Variants in PPP3CA observed in about 807,000 individuals in gnomAD.
The protein encoded by PPP3CA is protein phosphatase 3 catalytic subunit alpha, also known as CAM-PRP catalytic subunit.
Under a neutral mutation model 66.5 loss-of-function variants are expected in PPP3CA, and 14 were observed. That is an observed-to-expected ratio of 0.21 (90% CI 0.14 to 0.33). PPP3CA has a LOEUF of 0.33. PPP3CA is among the 10% of genes least tolerant of loss of function. The probability of loss-of-function intolerance (pLI) is 1.00; values close to 1 mark genes in which losing one functional copy is unlikely to be tolerated. For missense variants in PPP3CA, 317 were observed against 639.5 expected (o/e 0.50, Z 5.44); for synonymous variants, 232 against 226.2 (o/e 1.03, Z -0.23).
intron 1 of PPP3CA, among the ~76,000 whole-genome samples, chr4:101,339,772 A>G (rs1260474387): frequency 6.6e-6 from 1 of 152,204 alleles, no homozygotes; most frequent in African/African-American, 2.4e-5. Context: ...TTTTTTCCAA[A>G]CTAAAACTCT....
chr4:101,178,371 T>C (rs1040095518), intron 2 of PPP3CA, among the ~76,000 whole-genome samples: 88 of 152,276 alleles, frequency 5.8e-4, no homozygotes, highest in African/African-American at 2.0e-3. Flanking sequence ...AGTTTTAGCA[T>C]TAGGCCTTGA....
Position 101,278,244 on chromosome 4 carries a change from C to T in PPP3CA, c.58+68495G>A, listed in dbSNP as rs146781042. Among the ~76,000 whole-genome samples, 1,264 of 151,568 alleles carry T rather than the reference C, an allele frequency of 8.3e-3. 9 individuals carry two copies. Among genetic ancestry groups the T allele is most frequent in the Middle Eastern group, 0.02 (6 of 294 alleles). ...CCATATTCAGTTTCTTAATTATAAG[C>T]TTACAATGAGGTAAGCATGTCTTTA... On this transcript the variant is annotated intron_variant, in intron 1 of 13. Transcript: ENST00000394854.
chr4:101,080,720 T>C, intron 7 of PPP3CA, 94 bp from the exon 8 acceptor site: 1 of 670,528 alleles, frequency 1.5e-6, no homozygotes, highest in Middle Eastern at 4.5e-4. Context: ...ATGAGTCAAG[T>C]TCCATCATTC....
At chr4:101,253,773 T>C (rs984186480) in intron 1 of PPP3CA, among the ~76,000 whole-genome samples, 1 of 152,080 alleles carries the variant, frequency 6.6e-6, no homozygotes, top group Non-Finnish European at 1.5e-5. Context: ...CTAGGCTTAA[T>C]GAATGATGAG....
At chr4:101,118,128 A>G (rs1254320656) in intron 2 of PPP3CA, among the ~76,000 whole-genome samples, 1 of 151,846 alleles carries the variant, frequency 6.6e-6, no homozygotes, top group African/African-American at 2.4e-5. Flanking sequence ...GCTTTTAAAA[A>G]ATCTTAGTGT....
chr4:101,097,667 C>A (rs755259864), intron 5 of PPP3CA, among the ~76,000 whole-genome samples: 4 of 152,000 alleles, frequency 2.6e-5, no homozygotes, highest in Non-Finnish European at 5.9e-5. Context: ...TAGAAACATA[C>A]CAAAGAAATA....
chr4:101,347,037 C>A lies in PPP3CA; in HGVS notation c.-241G>T. 1.7e-6 allele frequency: 1 copy of A among 589,364 alleles called. No individual in the cohort carries two copies. Among genetic ancestry groups the A allele is most frequent in the Non-Finnish European group, 3.0e-6 (1 of 336,988 alleles). The allele number at this position is 589,364 out of a possible 1,614,324, so 36.5% of individuals were successfully genotyped here. A position where few individuals can be genotyped will look rare whatever the true frequency, so the allele number is the denominator to read the frequency against. ...CTGCCGCCAGCCCCGCCGACTCGCT[C>A]CGGGCTGCGCGTGTGTGGTGGTTAT... On this transcript the variant is annotated 5_prime_UTR_variant, in exon 1 of 14. Coordinates refer to ENST00000394854, the MANE Select transcript of PPP3CA (RefSeq NM_000944.5).
chr4:101,178,548 T>C (rs1321962735), intron 2 of PPP3CA, among the ~76,000 whole-genome samples: 1 of 152,112 alleles, frequency 6.6e-6, no homozygotes, highest in Non-Finnish European at 1.5e-5. Flanking sequence ...TTTGGTACTG[T>C]GCTCCCAGAG....
intron 2 of PPP3CA, among the ~76,000 whole-genome samples, chr4:101,154,472 A>G (rs1385113138): frequency 6.6e-6 from 1 of 152,218 alleles, no homozygotes; most frequent in Non-Finnish European, 1.5e-5. Flanking sequence ...AAAGGGTGGG[A>G]TAAAGAAAAA....
chr4:101,340,282 G>C (rs1441216838), intron 1 of PPP3CA, among the ~76,000 whole-genome samples: 1 of 152,116 alleles, frequency 6.6e-6, no homozygotes, highest in Non-Finnish European at 1.5e-5. Flanking sequence ...TTTGCTGTGA[G>C]ACAAAAGCAT....
chr4:101,328,976 G>A (rs527517461), intron 1 of PPP3CA, among the ~76,000 whole-genome samples: 3 of 152,038 alleles, frequency 2.0e-5, no homozygotes, highest in African/African-American at 7.2e-5. Flanking sequence ...TGAAAATGAG[G>A]CTTATTAATA....
intron 2 of PPP3CA, among the ~76,000 whole-genome samples, chr4:101,131,895 T>C (rs368034322): frequency 6.6e-6 from 1 of 152,066 alleles, no homozygotes; most frequent in East Asian, 1.9e-4. Flanking sequence ...GAAATCATAA[T>C]GAACAGTCTC....
rs28392547 is a variant in PPP3CA, at chr4:101,118,225, A to G, written c.260-9147T>C. 6.4e-3 allele frequency among the ~76,000 whole-genome samples: 974 copies of G among 152,116 alleles called. 14 individuals are homozygous for G. Among genetic ancestry groups the G allele is most frequent in the African/African-American group, 0.022 (929 of 41,530 alleles). ...ATGTTCTTTCACCCTTTGGAGAGGC[A>G]GTATAGTGCAATGGTTAGGAACTAA... is the stretch of plus-strand genomic sequence containing the variant. On this transcript the variant is annotated intron_variant, in intron 2 of 13. Coordinates refer to ENST00000394854, the MANE Select transcript of PPP3CA (RefSeq NM_000944.5).
rs70961774 is a variant in PPP3CA at position 101,106,453 on chromosome 4, G to GAGAAA, written c.384+2496_384+2500dup. Among the ~76,000 whole-genome samples the GAGAAA allele has an allele frequency of 2.4e-3, 87 of 35,524 alleles. 11 individuals are homozygous for GAGAAA. The highest frequency in any genetic ancestry group is 3.4e-3 in the Non-Finnish European group (64 of 19,024). The allele number at this position is 35,524 out of a possible 152,430, so 23.3% of individuals were successfully genotyped here. A position where few individuals can be genotyped will look rare whatever the true frequency, so the allele number is the denominator to read the frequency against. On this transcript the variant is annotated intron_variant, in intron 3 of 13. Transcript: ENST00000394854. ...AGAAAGAAAGAAAGAAAGAAAGAAAGAGAAAAGAAAAGAAAAGAAAAGAAA... is the reference window on the plus strand; with the variant it reads ...AGAAAGAAAGAAAGAAAGAAAGAAAGAGAAAAGAAAAGAAAAGAAAAGAAAAGAAA...
In PPP3CA at chr4:101,104,886, T is replaced by C. The variant is rs547041979; in HGVS notation, c.384+4068A>G. Among the ~76,000 whole-genome samples the C allele has an allele frequency of 1.9e-4, 29 of 152,284 alleles. No homozygotes were observed. In the South Asian group the frequency reaches 5.6e-3, roughly 29 times the overall value. On this transcript the variant is annotated intron_variant, in intron 3 of 13. Transcript: ENST00000394854. ...TTTTTGTATGTATGTGGCAAGTCCC[T>C]GGGTTGTAGTCTCAGACTCTTGAAG...
intron 8 of PPP3CA, among the ~76,000 whole-genome samples, chr4:101,064,750 G>A (rs1294716378): frequency 6.6e-6 from 1 of 152,034 alleles, no homozygotes; most frequent in East Asian, 1.9e-4. Context: ...GATTGGCAAT[G>A]TCTCTGTTAA....
intron 12 of PPP3CA, among the ~76,000 whole-genome samples, chr4:101,029,886 C>T (rs954953029): frequency 6.6e-6 from 1 of 151,160 alleles, no homozygotes; most frequent in African/African-American, 2.4e-5. Flanking sequence ...CTTCGTTTTC[C>T]AGCAAGCCCA....
intron 10 of PPP3CA, among the ~76,000 whole-genome samples, chr4:101,046,275 T>C (rs1160820094): frequency 2.6e-5 from 4 of 152,200 alleles, no homozygotes; most frequent in Non-Finnish European, 5.9e-5. Context: ...GAAAAAATTA[T>C]ACTTAAATAT....
intron 1 of PPP3CA, among the ~76,000 whole-genome samples, chr4:101,337,798 C>A (rs1392847230): frequency 6.6e-6 from 1 of 152,134 alleles, no homozygotes; most frequent in Non-Finnish European, 1.5e-5. Context: ...AAGGATGGGA[C>A]TAAGAGCAAG....
Sources: gnomAD v4.1 joint callset for allele counts (sites outside exome capture counted in the v4.1 genomes callset) on GRCh38, gnomAD v4.1.1 for gene constraint, MANE v1.5 for transcripts, NCBI Gene and HGNC (gene_info 2026-07-23, HGNC 2026-07-21) for gene names.